LAMP3: variants seen among roughly 807,000 people sequenced by gnomAD.
The protein encoded by LAMP3 is lysosome-associated membrane glycoprotein 3.
A neutral mutation model predicts 34.8 loss-of-function variants in LAMP3; 26 were observed. The ratio of observed to expected loss-of-function variants is 0.75; its 90% CI spans 0.55 to 1.04. The LOEUF (loss-of-function observed/expected upper bound fraction) is 1.04. Ranked by LOEUF, LAMP3 falls within the 50% of genes least tolerant of loss-of-function variation. LAMP3 has a pLI of 0.00. For synonymous variants in LAMP3, 180 were observed against 201.9 expected (o/e 0.89, Z 0.92); for missense variants, 495 against 524.0 (o/e 0.94, Z 0.54).
At chr3:183,140,068 G>A (rs1031834994) in intron 4 of LAMP3, among the ~76,000 whole-genome samples, 1 of 152,140 alleles carries the variant, frequency 6.6e-6, no homozygotes, top group Admixed American at 6.6e-5. Context: ...GCGTAGTAAA[G>A]TCCCCCAAAA....
At chr3:183,158,457 C>T (rs1472534013) in intron 1 of LAMP3, among the ~76,000 whole-genome samples, 6 of 151,976 alleles carry the variant, frequency 3.9e-5, no homozygotes. Context: ...TGCTGGTGTT[C>T]ACACACTCAT....
Position 183,152,780 on chromosome 3 carries a change from A to G in LAMP3, c.760-277T>C, listed in dbSNP as rs548472201. The stretch of plus-strand genomic sequence containing the variant: ...GAATTTATGTTAAGTTAAACATGTT[A>G]AATGATACTAGAGGGAAGGGTTTGC... On this transcript the variant is annotated intron_variant, in intron 2 of 5. Transcript: ENST00000265598. Among the ~76,000 whole-genome samples the G allele has an allele frequency of 2.0e-5, 3 of 152,346 alleles. No individual in the cohort carries two copies. In the East Asian group the frequency reaches 5.8e-4, roughly 29 times the overall value.
intron 4 of LAMP3, among the ~76,000 whole-genome samples, chr3:183,137,596 A>G (rs1381357837): frequency 6.6e-6 from 1 of 152,188 alleles, no homozygotes; most frequent in Non-Finnish European, 1.5e-5. Flanking sequence ...CTGCCGGGTC[A>G]CGTGTTATAT....
intron 3 of LAMP3, among the ~76,000 whole-genome samples, chr3:183,151,171 A>G (rs1347918259): frequency 6.6e-6 from 1 of 152,204 alleles, no homozygotes; most frequent in African/African-American, 2.4e-5. Flanking sequence ...TCCATTTTAC[A>G]GATTGGGAAA....
rs912515550 is a variant in LAMP3 at position 183,135,855 on chromosome 3, C to T, written c.979G>A (p.Val327Met). ...TGCCCGACTGCTGTCTGGAACATCA[C>T]CACCGCATGTTTGATTCCTTGGTAA... ...TIYQGIKHAV[V>M]MFQTAVGHSF... The change falls in exon 5 of 6, where the codon GTG becomes ATG. Residue 327 changes from valine to methionine, a missense_variant. Coordinates refer to ENST00000265598, the MANE Select transcript of LAMP3 (RefSeq NM_014398.4). The T allele has an allele frequency of 1.4e-5, 22 of 1,613,904 alleles. No homozygotes were observed. Among genetic ancestry groups the T allele is most frequent in the Non-Finnish European group, 1.8e-5 (21 of 1,179,864 alleles).
intron 4 of LAMP3, among the ~76,000 whole-genome samples, chr3:183,138,049 C>G (rs935397880): frequency 6.6e-6 from 1 of 152,052 alleles, no homozygotes; most frequent in Non-Finnish European, 1.5e-5. Flanking sequence ...TCTTGAATCC[C>G]TGACCTGAGG....
intron 3 of LAMP3, among the ~76,000 whole-genome samples, chr3:183,149,343 C>T (rs1021289175): frequency 6.6e-6 from 1 of 151,518 alleles, no homozygotes; most frequent in African/African-American, 2.4e-5. Flanking sequence ...AGATCGAGAC[C>T]ATCCTGGCCA....
chr3:183,128,960 G>T (rs1433156768), intron 5 of LAMP3, among the ~76,000 whole-genome samples: 1 of 152,114 alleles, frequency 6.6e-6, no homozygotes, highest in Admixed American at 6.6e-5. Context: ...TATTTGTGTT[G>T]CATCCTTTGA....
At chr3:183,146,522 A>ATTTTT (rs1192142107) in intron 3 of LAMP3, among the ~76,000 whole-genome samples, 2 of 130,094 alleles carry the variant, frequency 1.5e-5, no homozygotes, top group African/African-American at 2.8e-5. Flanking sequence ...TGGTGCTCAA[A>ATTTTT]TTTTTTTTTT....
At chr3:183,151,009 T>C (rs939779356) in intron 3 of LAMP3, among the ~76,000 whole-genome samples, 1 of 152,194 alleles carries the variant, frequency 6.6e-6, no homozygotes, top group Non-Finnish European at 1.5e-5. Context: ...CTCTACCTTG[T>C]ATGCTCCAGG....
chr3:183,135,997 G>A, intron 4 of LAMP3, 110 bp from the exon 5 acceptor site: 1 of 835,578 alleles, frequency 1.2e-6, no homozygotes, highest in Non-Finnish European at 2.0e-6. Flanking sequence ...CTTCCGAGGG[G>A]CTTTCTGGGG....
chr3:183,157,806 A>C (rs1392595561), intron 1 of LAMP3, among the ~76,000 whole-genome samples: 4 of 152,212 alleles, frequency 2.6e-5, no homozygotes, highest in African/African-American at 4.8e-5. Flanking sequence ...GTGGTAATGA[A>C]TGAACTCAAA....
chr3:183,132,724 G>A (rs1719963347), intron 5 of LAMP3: 1 of 985,282 alleles, frequency 1.0e-6, no homozygotes, highest in Admixed American at 6.2e-5. Flanking sequence ...GGTGCAACAG[G>A]CAACGAGACA....
At chr3:183,146,616 C>T (rs1720449781) in intron 3 of LAMP3, among the ~76,000 whole-genome samples, 1 of 151,286 alleles carries the variant, frequency 6.6e-6, no homozygotes, top group Non-Finnish European at 1.5e-5. Context: ...CAACTTCCGT[C>T]TCCTGGGTTC....
chr3:183,132,740 A>T (rs1303787227), intron 5 of LAMP3: 1 of 985,314 alleles, frequency 1.0e-6, no homozygotes, highest in Non-Finnish European at 1.2e-6. Context: ...AGACAGGTCA[A>T]TCCTTTCACT....
intron 3 of LAMP3, among the ~76,000 whole-genome samples, chr3:183,148,418 A>G (rs1020335112): frequency 6.6e-6 from 1 of 152,236 alleles, no homozygotes; most frequent in African/African-American, 2.4e-5. Flanking sequence ...CAAACCATCC[A>G]TCCGACAAGG....
At chr3:183,163,757 C>CG (rs1321715189), upstream of LAMP3, 1 of 152,350 alleles carries the variant, frequency 6.6e-6, no homozygotes, top group East Asian at 1.9e-4. Flanking sequence ...GCCCAGGCCT[C>CG]GCCAGGACCG....
At chr3:183,133,065 G>T in intron 5 of LAMP3, 1 of 379,450 alleles carries the variant, frequency 2.6e-6, no homozygotes, top group Non-Finnish European at 3.6e-6. Flanking sequence ...AGGGGAAGAT[G>T]GAGCTGTTGG....
chr3:183,139,524 ACT>A (rs1271321827), intron 4 of LAMP3, among the ~76,000 whole-genome samples: 1 of 152,148 alleles, frequency 6.6e-6, no homozygotes, highest in Non-Finnish European at 1.5e-5. Flanking sequence ...CTCTAGATAT[ACT>A]GTTTTTTCCT....
Sources: gnomAD v4.1 joint callset for allele counts (sites outside exome capture counted in the v4.1 genomes callset) on GRCh38, gnomAD v4.1.1 for gene constraint, MANE v1.5 for transcripts, NCBI Gene and HGNC (gene_info 2026-07-23, HGNC 2026-07-21) for gene names.